The following DDX42 variants were observed in gnomAD, a reference collection of about 807,000 sequenced individuals.
DDX42 encodes DEAD-box helicase 42.
A neutral mutation model predicts 101.5 loss-of-function variants in DDX42; 22 were observed. The ratio of observed to expected loss-of-function variants is 0.22; its 90% CI spans 0.15 to 0.31. The LOEUF (loss-of-function observed/expected upper bound fraction) is 0.31. DDX42 is among the 10% of genes least tolerant of loss of function. The pLI is 1.00. For missense variants in DDX42, 849 were observed against 1,199.9 expected (o/e 0.71, Z 4.32); for synonymous variants, 402 against 401.2 (o/e 1.00, Z -0.02).
At position 63,818,165 on chromosome 17, in the gene DDX42, A is replaced by G. The variant is rs777736251; in HGVS notation, c.2584A>G (p.Asn862Asp). 2.5e-6 allele frequency: 4 copies of G among 1,613,720 alleles called. No individual in the cohort carries two copies. Among genetic ancestry groups the G allele is most frequent in the Admixed American group, 1.7e-5 (1 of 59,956 alleles). Reference sequence around the variant, plus strand: ...TACTGATGGCCATCGGCACGGGGAGAACAGACATGGAGGAAGCGCAGGCCG... The same window carrying G: ...TACTGATGGCCATCGGCACGGGGAGGACAGACATGGAGGAAGCGCAGGCCG... ...RHTDGHRHGE[N>D]RHGGSAGRHG... Residue 862 changes from asparagine to aspartate, a missense_variant, in exon 18 of 18, where the codon AAC becomes GAC. Physicochemically the swap from Asn to Asp is conservative, Grantham distance 23. Around this residue, in one of 5 missense-constraint regions of DDX42, gnomAD observed 300 missense variants for 304.9 expected, o/e 0.98. Transcript: ENST00000389924.
intron 2 of DDX42, 93 bp downstream of exon 2, chr17:63,787,363 A>G: frequency 8.2e-7 from 1 of 1,216,290 alleles, no homozygotes; most frequent in Non-Finnish European, 1.2e-6. Context: ...TTGTTTCTCA[A>G]ATAATAATGA....
At chr17:63,782,345 A>C (rs887633267) in intron 1 of DDX42, among the ~76,000 whole-genome samples, 1 of 152,094 alleles carries the variant, frequency 6.6e-6, no homozygotes, top group Non-Finnish European at 1.5e-5. Context: ...TAGCTTATTT[A>C]CATCAGTAAC....
chr17:63,779,753 T>C (rs1341692504), intron 1 of DDX42, among the ~76,000 whole-genome samples: 3 of 152,070 alleles, frequency 2.0e-5, no homozygotes, highest in Non-Finnish European at 2.9e-5. Context: ...TTTTTTTCTT[T>C]TTGTTTTCTT....
At position 63,800,461 on chromosome 17, in the gene DDX42, C is replaced by T; in HGVS notation, c.472-7C>T. The T allele has an allele frequency of 6.2e-7, 1 of 1,612,550 alleles. No individual in the cohort carries two copies. Among genetic ancestry groups the T allele is most frequent in the Non-Finnish European group, 8.5e-7 (1 of 1,179,350 alleles). On this transcript the variant is annotated splice_polypyrimidine_tract_variant and splice_region_variant and intron_variant, in intron 5 of 17. Transcript: ENST00000389924. ...GGGTGTGATTATGTTCTTGTGCTTT[C>T]CTGCAGGAAGCTTATTTTCGATACA...
chr17:63,789,311 T>G (rs2039590305), intron 2 of DDX42, among the ~76,000 whole-genome samples: 2 of 152,054 alleles, frequency 1.3e-5, no homozygotes, highest in South Asian at 4.2e-4. Context: ...ACTCCTGACC[T>G]CAGGTGATCC....
intron 3 of DDX42, among the ~76,000 whole-genome samples, chr17:63,796,205 C>A (rs902851919): frequency 6.6e-6 from 1 of 152,154 alleles, no homozygotes; most frequent in African/African-American, 2.4e-5. Context: ...GAAAAATTAG[C>A]TCTGATTTTC....
In DDX42 at chr17:63,818,125, AAGC is replaced by A; in HGVS notation, c.2551_2553del (p.Ser851del). The A allele has an allele frequency of 3.1e-6, 5 of 1,614,042 alleles. No homozygotes were observed. Among genetic ancestry groups the A allele is most frequent in the African/African-American group, 1.3e-5 (1 of 75,036 alleles). On this transcript the variant is annotated inframe_deletion, in exon 18 of 18. Coordinates refer to ENST00000389924, the MANE Select transcript of DDX42 (RefSeq NM_203499.3). ...ATGGAGATGGATACCGCCATCCAGA[AAGC>A]AGCAGCCGTCATACTGATGGCCATC...
chr17:63,803,690 A>C (rs914113711), intron 6 of DDX42, among the ~76,000 whole-genome samples: 2 of 147,848 alleles, frequency 1.4e-5, no homozygotes, highest in African/African-American at 5.0e-5. Context: ...TCTGTCGCCC[A>C]GGCTGGAGTG....
At chr17:63,779,078 A>C (rs1430276841) in intron 1 of DDX42, among the ~76,000 whole-genome samples, 1 of 152,188 alleles carries the variant, frequency 6.6e-6, no homozygotes, top group Non-Finnish European at 1.5e-5. Flanking sequence ...GTTCTTTTTT[A>C]AACAAATACT....
intron 6 of DDX42, among the ~76,000 whole-genome samples, chr17:63,802,845 G>A (rs2039788606): frequency 6.6e-6 from 1 of 151,736 alleles, no homozygotes; most frequent in South Asian, 2.1e-4. Flanking sequence ...AGGAGGCGGA[G>A]GTTGCAGTGA....
intron 6 of DDX42, 77 bp from the exon 7 acceptor site, chr17:63,804,994 G>T (rs774028621): frequency 5.3e-6 from 8 of 1,517,564 alleles, no homozygotes; most frequent in South Asian, 5.2e-5. Context: ...ATTTGGAAAA[G>T]ATTATTTTGC....
chr17:63,812,464 A>G (rs750838457), intron 14 of DDX42, among the ~76,000 whole-genome samples: 23 of 152,216 alleles, frequency 1.5e-4, no homozygotes, highest in Non-Finnish European at 2.4e-4. Flanking sequence ...GAAAAAAGGC[A>G]GTGAATGCCC....
chr17:63,791,658 A>G (rs2039629262), intron 2 of DDX42, among the ~76,000 whole-genome samples: 1 of 152,196 alleles, frequency 6.6e-6, no homozygotes, highest in South Asian at 2.1e-4. Flanking sequence ...TCCCCAGAAA[A>G]TAGCCCAGAA....
At chr17:63,787,384 T>G (rs1448743971) in intron 2 of DDX42, 114 bp downstream of exon 2, 1 of 1,091,400 alleles carries the variant, frequency 9.2e-7, no homozygotes, top group Non-Finnish European at 1.3e-6. Context: ...ATTCTTAAAT[T>G]ATGTGTCTCG....
intron 6 of DDX42, among the ~76,000 whole-genome samples, chr17:63,804,321 A>G (rs2039811837): frequency 6.6e-6 from 1 of 152,102 alleles, no homozygotes; most frequent in East Asian, 1.9e-4. Context: ...AGCCAAATTG[A>G]TAGGTGGTGA....
rs766203682 is a variant in DDX42 at position 63,817,864 on chromosome 17, G to A, written c.2283G>A (p.Lys761=). 2 of 1,614,082 alleles carry A rather than the reference G, an allele frequency of 1.2e-6. No individual in the cohort carries two copies. The highest frequency in any genetic ancestry group is 2.7e-5 in the African/African-American group (2 of 74,912). The part of the protein sequence containing the change: ...SPDSPVTSAA[K]GIPGFGNTGN... The stretch of plus-strand genomic sequence containing the variant: ...ACAGCCCCGTCACCAGTGCCGCCAA[G>A]GGCATCCCAGGCTTTGGCAATACTG... Residue 761 remains lysine, a synonymous_variant, in exon 18 of 18, where the codon AAG becomes AAA. Coordinates refer to ENST00000389924, the MANE Select transcript of DDX42 (RefSeq NM_203499.3).
intron 6 of DDX42, among the ~76,000 whole-genome samples, chr17:63,800,997 T>TTTC (rs1410484746): frequency 2.7e-5 from 4 of 149,546 alleles, no homozygotes; most frequent in South Asian, 2.1e-4. Flanking sequence ...TTCTCTTTCC[T>TTTC]TTTTTTCCTC....
chr17:63,816,477 A>C (rs2039978129), intron 16 of DDX42: 1 of 159,848 alleles, frequency 6.3e-6, no homozygotes, highest in African/African-American at 2.4e-5. Context: ...TACAGTGACA[A>C]GTGTTCAAGC....
chr17:63,799,445 TTA>T (rs1567737824), intron 4 of DDX42, 142 bp from the exon 5 acceptor site: 1 of 776,430 alleles, frequency 1.3e-6, no homozygotes, highest in African/African-American at 1.7e-5. Context: ...GGTGGATAGT[TTA>T]TAGTGTGCTC....
Sources: gnomAD v4.1 joint callset for allele counts (sites outside exome capture counted in the v4.1 genomes callset) on GRCh38, gnomAD v4.1.1 for gene constraint, gnomAD v4.1.1 regional missense constraint, MANE v1.5 for transcripts, NCBI Gene and HGNC (gene_info 2026-07-23, HGNC 2026-07-21) for gene names.